PTPRN2: variants seen among roughly 807,000 people sequenced by gnomAD.
PTPRN2 encodes receptor-type tyrosine-protein phosphatase N2.
PTPRN2 carries 74 observed loss-of-function variants against 118.8 expected under a neutral mutation model. The observed-to-expected ratio is 0.62, with a 90% CI of 0.52 to 0.76. The LOEUF (loss-of-function observed/expected upper bound fraction) is 0.76, where lower values mean the gene tolerates loss of function less well. Among genes scored for constraint, PTPRN2 ranks in the 30% least tolerant of loss-of-function variants. The probability of loss-of-function intolerance (pLI) is 0.00; values close to 1 mark genes in which losing one functional copy is unlikely to be tolerated. For synonymous variants in PTPRN2, 641 were observed against 608.0 expected, an observed-to-expected ratio of 1.05 and a Z score of -0.80; for missense variants, 1,481 against 1,394.4, an observed-to-expected ratio of 1.06 and a Z score of -0.99.
intron 2 of PTPRN2, among the ~76,000 whole-genome samples, chr7:158,345,105 C>T (rs1263397153): frequency 6.6e-6 from 1 of 152,160 alleles, no homozygotes; most frequent in Non-Finnish European, 1.5e-5. Flanking sequence ...GACCCTGCTG[C>T]CTGGGAGCAG....
intron 1 of PTPRN2, among the ~76,000 whole-genome samples, chr7:158,558,232 C>T (rs1410249732): frequency 2.6e-5 from 4 of 152,184 alleles, no homozygotes; most frequent in Non-Finnish European, 5.9e-5. Context: ...GCAATCCTCC[C>T]ACCTCAGCCT....
chr7:158,176,811 T>C (rs1824250180), intron 5 of PTPRN2, among the ~76,000 whole-genome samples: 2 of 152,198 alleles, frequency 1.3e-5, no homozygotes, highest in African/African-American at 4.8e-5. Flanking sequence ...GGGCAAACTT[T>C]TAAAAAACTC....
intron 12 of PTPRN2, among the ~76,000 whole-genome samples, 180 bp downstream of exon 12, chr7:157,898,493 A>G (rs1450402569): frequency 6.6e-6 from 1 of 152,174 alleles, no homozygotes; most frequent in African/African-American, 2.4e-5. Flanking sequence ...CTCGCCAGGC[A>G]CGTTTCGCCA....
intron 14 of PTPRN2, among the ~76,000 whole-genome samples, chr7:157,649,243 G>A (rs1283569510): frequency 1.9e-5 from 2 of 103,254 alleles, no homozygotes; most frequent in African/African-American, 6.6e-5. Context: ...AACTCGGTGG[G>A]TTGGACCCAT....
At chr7:157,945,694 C>T (rs1357203286) in intron 11 of PTPRN2, among the ~76,000 whole-genome samples, 2 of 150,874 alleles carry the variant, frequency 1.3e-5, no homozygotes, top group African/African-American at 2.4e-5. Flanking sequence ...CCAGCTTGGA[C>T]GATGTCACCT....
At chr7:157,783,953 A>G (rs1803850899) in intron 12 of PTPRN2, among the ~76,000 whole-genome samples, 1 of 151,972 alleles carries the variant, frequency 6.6e-6, no homozygotes, top group Admixed American at 6.6e-5. Context: ...TCCATCTCTT[A>G]CTCTTTCAAG....
At chr7:158,144,945 G>T (rs549840282) in intron 6 of PTPRN2, among the ~76,000 whole-genome samples, 2 of 142,262 alleles carry the variant, frequency 1.4e-5, no homozygotes, top group Admixed American at 1.4e-4. Flanking sequence ...GCCACGGCTC[G>T]GCAAGACTTC....
chr7:158,291,793 T>C (rs1800136172), intron 3 of PTPRN2, among the ~76,000 whole-genome samples: 1 of 152,230 alleles, frequency 6.6e-6, no homozygotes, highest in Non-Finnish European at 1.5e-5. Context: ...CCATTTACTC[T>C]TAGAGCCAGC....
rs10282447 is a variant in PTPRN2 at position 157,656,832 on chromosome 7, T to C, written c.2002-281A>G. Reference sequence around the variant, plus strand: ...ACAAACACACATACACACACACATATACACACACACACCACACACACACAC... The same window carrying C: ...ACAAACACACATACACACACACATACACACACACACACCACACACACACAC... On this transcript the variant is annotated intron_variant, in intron 13 of 22. Transcript: ENST00000389418. Among the ~76,000 whole-genome samples, 117 of 135,886 alleles carry C rather than the reference T, an allele frequency of 8.6e-4. 12 individuals are homozygous for C. The highest frequency in any genetic ancestry group is 2.1e-3 in the Admixed American group (27 of 12,670). The allele number at this position is 135,886 out of a possible 152,430, so 89.1% of individuals were successfully genotyped here.
intron 2 of PTPRN2, among the ~76,000 whole-genome samples, chr7:158,365,756 C>A (rs1267338886): frequency 6.8e-6 from 1 of 146,322 alleles, no homozygotes; most frequent in Non-Finnish European, 1.5e-5. Context: ...AAGCCGAAGC[C>A]CAGTGCACAC....
rs1317156843 is a variant in PTPRN2, at chr7:157,953,599, C to T, written c.1724-54862G>A. Among the ~76,000 whole-genome samples the T allele has an allele frequency of 1.3e-5, 2 of 152,138 alleles. No individual in the cohort carries two copies. The highest frequency in any genetic ancestry group is 4.8e-5 in the African/African-American group (2 of 41,430). ...CCGGTGTCCCTAAAGACTTCTATGA[C>T]ATCCTGACACTGCCCTGCTTGGACA... On this transcript the variant is annotated intron_variant, in intron 11 of 22. Coordinates refer to ENST00000389418, the MANE Select transcript of PTPRN2 (RefSeq NM_002847.5). This position sits in a 1 kb window ranked among gnomAD's most constrained non-coding sequence, Gnocchi z 4.6.
chr7:157,674,827 C>T lies in PTPRN2; in HGVS notation c.2001+7898G>A, dbSNP rs78097158. 3.1e-3 allele frequency among the ~76,000 whole-genome samples: 475 copies of T among 152,336 alleles called. 4 individuals carry two copies. Among genetic ancestry groups the T allele is most frequent in the African/African-American group, 0.01 (434 of 41,578 alleles). On this transcript the variant is annotated intron_variant, in intron 13 of 22. Transcript: ENST00000389418. The surrounding 1 kb of genome is among the most constrained non-coding windows in gnomAD (Gnocchi z 4.5). ...CCCTGCCGGGCGTCTCCTCCCACGC[C>T]GAGCTCCTCCTGCCGGGGGGGTCTG...
chr7:158,177,119 A>G (rs1824277896), intron 5 of PTPRN2, among the ~76,000 whole-genome samples: 1 of 152,214 alleles, frequency 6.6e-6, no homozygotes, highest in Non-Finnish European at 1.5e-5. Flanking sequence ...ATAGACATCC[A>G]GAGGGGAACT....
intron 2 of PTPRN2, among the ~76,000 whole-genome samples, chr7:158,379,940 G>C (rs148262297): frequency 6.6e-6 from 1 of 152,272 alleles, no homozygotes; most frequent in African/African-American, 2.4e-5. Context: ...AAGAGAGCTT[G>C]TATGGGGAAA....
chr7:157,631,763 C>T (rs1011862825), intron 14 of PTPRN2, among the ~76,000 whole-genome samples: 3 of 149,718 alleles, frequency 2.0e-5, no homozygotes, highest in Non-Finnish European at 4.4e-5. Context: ...ACCCGGGAGG[C>T]GGAGCTTGCA....
rs539943342 is a variant in PTPRN2 at position 157,591,896 on chromosome 7, T to C, written c.2496+3342A>G. Among the ~76,000 whole-genome samples the C allele has an allele frequency of 6.6e-6, 1 of 152,306 alleles. No homozygotes were observed. Among genetic ancestry groups the C allele is most frequent in the Non-Finnish European group, 1.5e-5 (1 of 68,018 alleles). Reference sequence around the variant, plus strand: ...CAATGACGTCGTGGTCAGGGACGTCTGCAGGGAGCAAAATGAAGCGAGTTT... The same window carrying C: ...CAATGACGTCGTGGTCAGGGACGTCCGCAGGGAGCAAAATGAAGCGAGTTT... On this transcript the variant is annotated intron_variant, in intron 17 of 22. Transcript: ENST00000389418. The surrounding 1 kb of genome is among the most constrained non-coding windows in gnomAD (Gnocchi z 4.4).
intron 12 of PTPRN2, among the ~76,000 whole-genome samples, chr7:157,747,779 T>C (rs1585366856): frequency 7.7e-6 from 1 of 129,590 alleles, no homozygotes; most frequent in African/African-American, 3.0e-5. Flanking sequence ...TTCTGAGGCC[T>C]GCGTCCCTGA....
At chr7:157,748,329 G>T (rs1801158264) in intron 12 of PTPRN2, among the ~76,000 whole-genome samples, 1 of 146,332 alleles carries the variant, frequency 6.8e-6, no homozygotes, top group Admixed American at 6.8e-5. Context: ...CTGAGCAGAG[G>T]GGTGTCCGGG....
chr7:158,256,575 C>T (rs372185407), intron 3 of PTPRN2, among the ~76,000 whole-genome samples: 6 of 150,644 alleles, frequency 4.0e-5, no homozygotes, highest in South Asian at 4.3e-4. Context: ...CAGAAGCTGG[C>T]GGGGGCGGGG....
Sources: gnomAD v4.1 joint callset for allele counts (sites outside exome capture counted in the v4.1 genomes callset) on GRCh38, gnomAD v4.1.1 for gene constraint, Gnocchi (gnomAD v3.1) non-coding constraint, MANE v1.5 for transcripts, NCBI Gene and HGNC (gene_info 2026-07-23, HGNC 2026-07-21) for gene names.